Variants in MIGA1 observed in about 807,000 individuals in gnomAD.
MIGA1 encodes the protein family with sequence similarity 73, member A.
MIGA1 carries 58 observed loss-of-function variants against 82.0 expected under a neutral mutation model. That is an observed-to-expected ratio of 0.71 (90% CI 0.57 to 0.88). The LOEUF is 0.88. MIGA1 is among the 40% of genes least tolerant of loss of function. MIGA1 has a pLI of 0.00. For missense variants in MIGA1, 751 were observed against 749.1 expected, an observed-to-expected ratio of 1.00 and a Z score of -0.03; for synonymous variants, 249 against 253.6, an observed-to-expected ratio of 0.98 and a Z score of 0.17.
rs952909921 is a variant in MIGA1, at chr1:77,811,852, C to T, written c.638-1882C>T. On this transcript the variant is annotated intron_variant, in intron 5 of 15. Coordinates refer to ENST00000370791, the MANE Select transcript of MIGA1 (RefSeq NM_198549.4). ...CGGGTTCTAGGGCGCCATCCTCCCC[C>T]GGCCTGGCCCCGACATTAACAGGGC... 198 of 1,466,742 alleles carry T rather than the reference C, an allele frequency of 1.3e-4. 1 individual carries two copies. The highest frequency in any genetic ancestry group is 1.1e-3 in the African/African-American group (76 of 70,514). 90.9% of individuals were successfully genotyped at this position (1,466,742 alleles called of 1,614,324 possible). A position where few individuals can be genotyped will look rare whatever the true frequency, so the allele number is the denominator to read the frequency against.
chr1:77,863,655 C>A (rs899846856), intron 12 of MIGA1, among the ~76,000 whole-genome samples: 6 of 152,130 alleles, frequency 3.9e-5, no homozygotes, highest in Admixed American at 2.6e-4. Flanking sequence ...GAACAAAGGA[C>A]TCCTAGAATA....
chr1:77,811,062 G>C, intron 5 of MIGA1: 1 of 1,613,456 alleles, frequency 6.2e-7, no homozygotes. Flanking sequence ...TGAATTCAAA[G>C]AAGATAGCTG....
At chr1:77,788,306 T>G (rs1353307787) in intron 2 of MIGA1, among the ~76,000 whole-genome samples, 2 of 152,144 alleles carry the variant, frequency 1.3e-5, no homozygotes, top group Non-Finnish European at 2.9e-5. Context: ...CCTGGCCTAA[T>G]TTTTGTATTT....
At chr1:77,843,899 G>A (rs1684717838) in intron 8 of MIGA1, among the ~76,000 whole-genome samples, 1 of 151,660 alleles carries the variant, frequency 6.6e-6, no homozygotes, top group African/African-American at 2.4e-5. Context: ...TGGAGTTTGA[G>A]ACCAGCTTGA....
At chr1:77,859,822 T>A (rs1042898301) in intron 10 of MIGA1, 5 of 456,930 alleles carry the variant, frequency 1.1e-5, no homozygotes, top group Non-Finnish European at 1.9e-5. Context: ...TTGAACAGAA[T>A]TTAAATTCAA....
At chr1:77,835,834 G>T (rs2101869969) in intron 7 of MIGA1, among the ~76,000 whole-genome samples, 1 of 152,206 alleles carries the variant, frequency 6.6e-6, no homozygotes, top group East Asian at 1.9e-4. Flanking sequence ...TCTAATTCCG[G>T]CTACTTGGGA....
intron 6 of MIGA1, 71 bp downstream of exon 6, chr1:77,813,938 G>GAGGT (rs1380958736): frequency 5.2e-6 from 8 of 1,538,340 alleles, no homozygotes; most frequent in Middle Eastern, 1.7e-4. Flanking sequence ...TTTTTTGGTA[G>GAGGT]AGGTAGGGTC....
intron 4 of MIGA1, among the ~76,000 whole-genome samples, chr1:77,804,757 G>A (rs1683023439): frequency 6.6e-6 from 1 of 151,726 alleles, no homozygotes; most frequent in Non-Finnish European, 1.5e-5. Flanking sequence ...AACCTCCCAA[G>A]TAGCTGGGAT....
At chr1:77,856,872 A>G (rs1685279544) in intron 8 of MIGA1, among the ~76,000 whole-genome samples, 1 of 151,006 alleles carries the variant, frequency 6.6e-6, no homozygotes, top group Non-Finnish European at 1.5e-5. Flanking sequence ...TTTCAATTTC[A>G]TTTAGTTCTG....
intron 14 of MIGA1, among the ~76,000 whole-genome samples, chr1:77,867,866 T>C (rs1217482874): frequency 6.6e-6 from 1 of 152,244 alleles, no homozygotes; most frequent in Non-Finnish European, 1.5e-5. Context: ...GGAGCCCCTG[T>C]ATTTGAATAA....
At chr1:77,822,955 G>T (rs1208206185) in intron 7 of MIGA1, among the ~76,000 whole-genome samples, 3 of 148,240 alleles carry the variant, frequency 2.0e-5, no homozygotes, top group Non-Finnish European at 4.4e-5. Context: ...CAATTCTCCT[G>T]CCTCAACCTC....
chr1:77,840,338 A>G (rs1684583241), intron 7 of MIGA1, among the ~76,000 whole-genome samples: 1 of 152,170 alleles, frequency 6.6e-6, no homozygotes, highest in East Asian at 1.9e-4. Flanking sequence ...AAGTATGGTA[A>G]CTGATCTGGA....
intron 2 of MIGA1, 55 bp downstream of exon 2, chr1:77,783,406 A>G: frequency 1.9e-6 from 2 of 1,028,382 alleles, no homozygotes; most frequent in Non-Finnish European, 2.9e-6. Flanking sequence ...CTCAGAGCAT[A>G]TTTTGTTTAC....
chr1:77,825,845 G>A (rs999099200), intron 7 of MIGA1, among the ~76,000 whole-genome samples: 1 of 151,984 alleles, frequency 6.6e-6, no homozygotes, highest in Non-Finnish European at 1.5e-5. Context: ...TATGGGCTTT[G>A]GAGTCAAACA....
chr1:77,812,423 A>C (rs1683376540), intron 5 of MIGA1, among the ~76,000 whole-genome samples: 1 of 152,144 alleles, frequency 6.6e-6, no homozygotes, highest in African/African-American at 2.4e-5. Context: ...CAGCCTGGGC[A>C]ACAGAGTGAG....
At chr1:77,824,983 CTTTTTT>C (rs11375207) in intron 7 of MIGA1, among the ~76,000 whole-genome samples, 10 of 103,148 alleles carry the variant, frequency 9.7e-5, no homozygotes, top group East Asian at 3.2e-4. Flanking sequence ...TTCTATTCCT[CTTTTTT>C]TTTTTTTTTT....
In MIGA1 at chr1:77,814,030, T is replaced by C. The variant is rs565320231; in HGVS notation, c.771+163T>C. Among the ~76,000 whole-genome samples, 12 of 152,016 alleles carry C rather than the reference T, an allele frequency of 7.9e-5. No individual in the cohort carries two copies. In the East Asian group the frequency reaches 1.9e-3, roughly 25 times the overall value. Reference sequence around the variant, plus strand: ...CTTGTCCTCTGAGTAATTAGGACTATAGGGATGCACCACCATGCCAGGCTA... The same window carrying C: ...CTTGTCCTCTGAGTAATTAGGACTACAGGGATGCACCACCATGCCAGGCTA... On this transcript the variant is annotated intron_variant, in intron 6 of 15. Transcript: ENST00000370791.
At chr1:77,816,241 G>A (rs779855882) in intron 7 of MIGA1, among the ~76,000 whole-genome samples, 1 of 152,190 alleles carries the variant, frequency 6.6e-6, no homozygotes, top group African/African-American at 2.4e-5. Context: ...ACCATGCCTG[G>A]CCAAGGTGAG....
At chr1:77,821,652 C>A (rs566134668) in intron 7 of MIGA1, among the ~76,000 whole-genome samples, 44 of 152,240 alleles carry the variant, frequency 2.9e-4, no homozygotes, top group African/African-American at 7.9e-4. Context: ...CCTCCGCCCC[C>A]CAAAGTGCTG....
Sources: allele counts gnomAD v4.1 joint callset (sites outside exome capture counted in the v4.1 genomes callset), GRCh38; gene constraint gnomAD v4.1.1; transcripts MANE v1.5; gene names NCBI Gene and HGNC (gene_info 2026-07-23, HGNC 2026-07-21).